The following GRIN2B variants were observed in gnomAD, a reference collection of about 807,000 sequenced individuals.
The protein encoded by GRIN2B is glutamate receptor ionotropic, NMDA 2B.
A neutral mutation model predicts 114.5 loss-of-function variants in GRIN2B; 5 were observed. The observed-to-expected ratio is 0.04, with a 90% CI of 0.02 to 0.09. GRIN2B has a LOEUF of 0.09. GRIN2B is among the 10% of genes least tolerant of loss of function. The pLI is 1.00. For missense variants in GRIN2B, 1,108 were observed against 1,943.5 expected, an observed-to-expected ratio of 0.57 and a Z score of 8.08; for synonymous variants, 787 against 745.1, an observed-to-expected ratio of 1.06 and a Z score of -0.92.
intron 2 of GRIN2B, among the ~76,000 whole-genome samples, chr12:13,933,365 T>A (rs1328022139): frequency 6.6e-6 from 1 of 152,180 alleles, no homozygotes; most frequent in African/African-American, 2.4e-5. Context: ...CTGCTATATA[T>A]CTCCGTTTTG....
At chr12:13,596,240 G>A (rs545504674) in intron 10 of GRIN2B, among the ~76,000 whole-genome samples, 1 of 152,206 alleles carries the variant, frequency 6.6e-6, no homozygotes, top group Admixed American at 6.5e-5. Flanking sequence ...AAAAGGTGGA[G>A]TCCCAGCTGC....
intron 5 of GRIN2B, among the ~76,000 whole-genome samples, chr12:13,666,528 A>G (rs1461251864): frequency 6.6e-6 from 1 of 152,162 alleles, no homozygotes; most frequent in Non-Finnish European, 1.5e-5. Context: ...TGCTGTGGGA[A>G]ATTTATGTTC....
chr12:13,778,138 GCTC>G (rs1295524328), intron 3 of GRIN2B, among the ~76,000 whole-genome samples: 1 of 152,066 alleles, frequency 6.6e-6, no homozygotes, highest in Non-Finnish European at 1.5e-5. Context: ...CCTCTGACCC[GCTC>G]CTTTCTTCCT....
Position 13,753,595 on chromosome 12 carries a change from G to A in GRIN2B, c.732C>T (p.Ala244=), listed in dbSNP as rs201554036. The A allele has an allele frequency of 7.4e-6, 12 of 1,614,138 alleles. No individual in the cohort carries two copies. The highest frequency in any genetic ancestry group is 1.3e-5 in the African/African-American group (1 of 75,036). ...CATAGCCAGTCAGCCCTACTGAGTT[G>A]GCCACTTCAAAGATGTAGGTGGCTT... is the stretch of plus-strand genomic sequence containing the variant. ...KEEATYIFEV[A]NSVGLTGYGY... The change falls in exon 4 of 14, where the codon GCC becomes GCT. Residue 244 remains alanine, a synonymous_variant. Coordinates refer to ENST00000609686, the MANE Select transcript of GRIN2B (RefSeq NM_000834.5). This position sits in a 1 kb window ranked among gnomAD's most constrained non-coding sequence, Gnocchi z 6.2.
chr12:13,730,253 G>T (rs1465713806), intron 4 of GRIN2B, among the ~76,000 whole-genome samples: 1 of 152,086 alleles, frequency 6.6e-6, no homozygotes, highest in African/African-American at 2.4e-5. Flanking sequence ...ATGAGAAAAA[G>T]AAAATACAAT....
chr12:13,744,453 T>C (rs1863340541), intron 4 of GRIN2B, among the ~76,000 whole-genome samples: 1 of 152,166 alleles, frequency 6.6e-6, no homozygotes, highest in Non-Finnish European at 1.5e-5. Context: ...CAGGCGGTCA[T>C]TTATGAACAT....
At chr12:13,675,613 G>A (rs1950065967) in intron 5 of GRIN2B, 132 bp downstream of exon 5, 4 of 715,648 alleles carry the variant, frequency 5.6e-6, no homozygotes, top group South Asian at 4.4e-5. Context: ...GGCTTCTCCT[G>A]TGTATCAAGG....
intron 3 of GRIN2B, among the ~76,000 whole-genome samples, chr12:13,826,928 G>A (rs1351938205): frequency 6.7e-6 from 1 of 150,334 alleles, no homozygotes; most frequent in African/African-American, 2.4e-5. Context: ...TTTTTCCTCT[G>A]AAAGCCTTTA....
At chr12:13,689,606 C>T (rs1051605907) in intron 4 of GRIN2B, among the ~76,000 whole-genome samples, 1 of 152,106 alleles carries the variant, frequency 6.6e-6, no homozygotes, top group African/African-American at 2.4e-5. Context: ...TATATCATTG[C>T]CACCCTCCCC....
At chr12:13,784,720 G>C (rs1323384624) in intron 3 of GRIN2B, among the ~76,000 whole-genome samples, 3 of 152,148 alleles carry the variant, frequency 2.0e-5, no homozygotes, top group Non-Finnish European at 4.4e-5. Context: ...AATAAGTCTG[G>C]CTAGCCTGCT....
intron 4 of GRIN2B, among the ~76,000 whole-genome samples, chr12:13,692,760 CTTTTT>C (rs71067718): frequency 0.43 from 22,974 of 53,990 alleles, 3,718 homozygotes; most frequent in East Asian, 0.74. Context: ...TCTTTCTTTT[CTTTTT>C]TTTTTTTTTT....
intron 3 of GRIN2B, among the ~76,000 whole-genome samples, chr12:13,817,724 C>T (rs1177406743): frequency 6.6e-6 from 1 of 152,262 alleles, no homozygotes; most frequent in East Asian, 1.9e-4. Context: ...GGAGAGCCCA[C>T]ATATATAGGC....
intron 4 of GRIN2B, among the ~76,000 whole-genome samples, chr12:13,750,570 G>A (rs1863466454): frequency 6.6e-6 from 1 of 152,164 alleles, no homozygotes; most frequent in African/African-American, 2.4e-5. Flanking sequence ...GTTAGCTTTG[G>A]TTGTAATTAG....
At chr12:13,772,309 T>G (rs978667134) in intron 3 of GRIN2B, among the ~76,000 whole-genome samples, 2 of 152,192 alleles carry the variant, frequency 1.3e-5, no homozygotes, top group Non-Finnish European at 2.9e-5. Flanking sequence ...TTTCTTCCCA[T>G]GTGAAAATCT....
chr12:13,556,205 C>G lies in GRIN2B; in HGVS notation c.*6578G>C, dbSNP rs1377049468. ...AGAATAAGTCCAGGCCTGGCCATGA[C>G]ATGGGAAGCTGAATCTCTGCAATGT... On this transcript the variant is annotated 3_prime_UTR_variant, in exon 14 of 14. Coordinates refer to ENST00000609686, the MANE Select transcript of GRIN2B (RefSeq NM_000834.5). 6.6e-6 allele frequency: 1 copy of G among 152,126 alleles called. No individual in the cohort carries two copies. The allele number at this position is 152,126 out of a possible 1,614,324, so 9.4% of individuals were successfully genotyped here.
In GRIN2B at chr12:13,556,645, A is replaced by C. The variant is rs1422296134; in HGVS notation, c.*6138T>G. ...ATTGGGCTTAGTGTTGTGCTTTTTA[A>C]TTGTACCTTAATTCTTGCACTGAGT... is the stretch of plus-strand genomic sequence containing the variant. On this transcript the variant is annotated 3_prime_UTR_variant, in exon 14 of 14. Transcript: ENST00000609686. 2.6e-5 allele frequency: 4 copies of C among 152,194 alleles called. No homozygotes were observed. Among genetic ancestry groups the C allele is most frequent in the Non-Finnish European group, 5.9e-5 (4 of 68,036 alleles). 9.4% of individuals were successfully genotyped at this position (152,194 alleles called of 1,614,324 possible).
chr12:13,690,725 A>G (rs1343315172), intron 4 of GRIN2B, among the ~76,000 whole-genome samples: 2 of 152,214 alleles, frequency 1.3e-5, no homozygotes, highest in East Asian at 1.9e-4. Context: ...AGAAATCAAA[A>G]GCGATTTCTC....
At chr12:13,818,308 A>G (rs1358184190) in intron 3 of GRIN2B, among the ~76,000 whole-genome samples, 1 of 152,222 alleles carries the variant, frequency 6.6e-6, no homozygotes, top group Non-Finnish European at 1.5e-5. Context: ...ACCAAAGGCC[A>G]TTCCAAGAAG....
chr12:13,579,978 A>C (rs1948825514), intron 10 of GRIN2B, among the ~76,000 whole-genome samples: 1 of 152,212 alleles, frequency 6.6e-6, no homozygotes, highest in African/African-American at 2.4e-5. Flanking sequence ...CTCTGCTTTA[A>C]GACTCCTCCA....
Sources: allele counts gnomAD v4.1 joint callset (sites outside exome capture counted in the v4.1 genomes callset), GRCh38; gene constraint gnomAD v4.1.1; non-coding constraint Gnocchi (gnomAD v3.1); transcripts MANE v1.5; gene names NCBI Gene and HGNC (gene_info 2026-07-23, HGNC 2026-07-21).